The following IARS1 variants were observed in gnomAD, a reference collection of about 807,000 sequenced individuals.
IARS1 encodes isoleucine--tRNA ligase, cytoplasmic.
In IARS1, 124 loss-of-function variants were observed where a neutral mutation model predicts 168.2. That is an observed-to-expected ratio of 0.74 (90% CI 0.64 to 0.86). The LOEUF (loss-of-function observed/expected upper bound fraction) is 0.86, where lower values mean the gene tolerates loss of function less well. IARS1 is among the 40% of genes least tolerant of loss of function. IARS1 has a pLI of 0.00. For synonymous variants in IARS1, 532 were observed against 529.4 expected (o/e 1.00, Z -0.07); for missense variants, 1,452 against 1,515.8 (o/e 0.96, Z 0.70).
chr9:92,258,387 A>G (rs1016217358), intron 19 of IARS1, among the ~76,000 whole-genome samples: 3 of 152,198 alleles, frequency 2.0e-5, no homozygotes, highest in African/African-American at 4.8e-5. Flanking sequence ...TGAGGTCTGG[A>G]GTTCAAGATC....
chr9:92,242,369 T>C (rs370534390), intron 28 of IARS1, 39 bp from the exon 29 acceptor site: 2 of 1,532,660 alleles, frequency 1.3e-6, no homozygotes, highest in African/African-American at 2.7e-5. Context: ...GGGAAGTACA[T>C]TCTATTAATC....
At chr9:92,284,144 T>C (rs779752838) in intron 6 of IARS1, among the ~76,000 whole-genome samples, 1 of 152,216 alleles carries the variant, frequency 6.6e-6, no homozygotes, top group Non-Finnish European at 1.5e-5. Flanking sequence ...GCCACTGCAC[T>C]CTAGCCTGGG....
At position 92,243,362 on chromosome 9, in the gene IARS1, T is replaced by A. The variant is rs543316751; in HGVS notation, c.2905-51A>T. ...TGACAATCAAATAAGGAGAAACACT[T>A]CTTCCCAACTCAGCAAAATGTTATT... is the stretch of plus-strand genomic sequence containing the variant. On this transcript the variant is annotated intron_variant, in intron 27 of 33. Coordinates refer to ENST00000443024, the MANE Select transcript of IARS1 (RefSeq NM_002161.6). 4.1e-6 allele frequency: 5 copies of A among 1,227,498 alleles called. No homozygotes were observed. In the East Asian group the frequency reaches 1.2e-4, roughly 29 times the overall value. 76.0% of individuals were successfully genotyped at this position (1,227,498 alleles called of 1,614,324 possible).
chr9:92,236,116 T>C (rs1013603153), intron 30 of IARS1, among the ~76,000 whole-genome samples: 4 of 152,054 alleles, frequency 2.6e-5, no homozygotes, highest in African/African-American at 9.7e-5. Flanking sequence ...CCGAGTAGGC[T>C]GAGATTACAG....
intron 14 of IARS1, 123 bp downstream of exon 14, chr9:92,268,051 G>A (rs1832531189): frequency 9.5e-7 from 1 of 1,057,044 alleles, no homozygotes; most frequent in African/African-American, 1.7e-5. Context: ...GAATAAAGAG[G>A]AAAAAAGATG....
chr9:92,243,935 T>C (rs149636494), intron 27 of IARS1, among the ~76,000 whole-genome samples: 2 of 152,340 alleles, frequency 1.3e-5, no homozygotes, highest in East Asian at 1.9e-4. Context: ...TTACACAGCA[T>C]GTTGCAGAGT....
chr9:92,278,418 G>C, intron 7 of IARS1, 132 bp from the exon 8 acceptor site: 1 of 666,712 alleles, frequency 1.5e-6, no homozygotes, highest in Non-Finnish European at 2.7e-6. Flanking sequence ...AGTACTCACA[G>C]AGAAATACTG....
intron 9 of IARS1, among the ~76,000 whole-genome samples, chr9:92,277,101 A>G (rs1224539591): frequency 1.3e-5 from 2 of 152,230 alleles, no homozygotes; most frequent in Non-Finnish European, 2.9e-5. Flanking sequence ...GGTGATATGT[A>G]GACTACATGC....
At position 92,287,844 on chromosome 9, in the gene IARS1, C is replaced by A. The variant is rs1835695184; in HGVS notation, c.343G>T (p.Glu115Ter). The change falls in exon 4 of 34, where the codon GAG becomes TAG. Residue 115 changes from glutamate to a stop codon, truncating the protein, a stop_gained. Coordinates refer to ENST00000443024, the MANE Select transcript of IARS1 (RefSeq NM_002161.6). LOFTEE classifies it high-confidence loss of function. ...PEDVAKMGIT[E>*]YNNQCRAIVM... ...ATTGCTCGGCACTGATTGTTATACTCTGTAATCCCCATTTTGGCCACATCC... is the reference window on the plus strand; with the variant it reads ...ATTGCTCGGCACTGATTGTTATACTATGTAATCCCCATTTTGGCCACATCC... 5 of 1,613,952 alleles carry A rather than the reference C, an allele frequency of 3.1e-6. No homozygotes were observed. In the East Asian group the frequency reaches 8.9e-5, roughly 29 times the overall value.
At chr9:92,261,098 CA>C (rs1422794843) in intron 17 of IARS1, among the ~76,000 whole-genome samples, 1 of 152,132 alleles carries the variant, frequency 6.6e-6, no homozygotes, top group Non-Finnish European at 1.5e-5. Context: ...CGCCTGAGCT[CA>C]GGAGCTCGAG....
At chr9:92,252,265 A>T (rs1488636121) in intron 21 of IARS1, 2 of 430,502 alleles carry the variant, frequency 4.6e-6, no homozygotes, top group African/African-American at 4.1e-5. Flanking sequence ...GATTTATGTT[A>T]AAAAAGTATA....
intron 30 of IARS1, among the ~76,000 whole-genome samples, chr9:92,235,965 A>C (rs1464916425): frequency 3.9e-5 from 6 of 151,958 alleles, no homozygotes; most frequent in Non-Finnish European, 8.8e-5. Flanking sequence ...ATTCATGTGG[A>C]ATATCTGTTT....
chr9:92,241,561 C>CAA (rs1828401679), intron 29 of IARS1, among the ~76,000 whole-genome samples: 1 of 152,080 alleles, frequency 6.6e-6, no homozygotes, highest in African/African-American at 2.4e-5. Context: ...AGGCTGGTCT[C>CAA]GCACTCTTGA....
intron 14 of IARS1, among the ~76,000 whole-genome samples, chr9:92,265,829 T>C (rs1351333155): frequency 1.3e-5 from 2 of 152,060 alleles, no homozygotes; most frequent in Admixed American, 1.3e-4. Context: ...AGCTAATTTT[T>C]TGTATTTTTA....
intron 10 of IARS1, among the ~76,000 whole-genome samples, chr9:92,273,132 C>CAAA (rs532773984): frequency 9.4e-5 from 6 of 64,060 alleles, no homozygotes; most frequent in African/African-American, 3.0e-4. Context: ...ACTCCCATCT[C>CAAA]AAAAAAAAAA....
rs1554725956 is a variant in IARS1, at chr9:92,244,948, C to T, written c.2904+11G>A. 36 of 1,607,634 alleles carry T rather than the reference C, an allele frequency of 2.2e-5. No homozygotes were observed. The South Asian group carries it at 3.5e-4, about 16-fold the overall frequency. ...CTTGGTAAAGAAATGTTCTAGGAAA[C>T]AGAAAAATACCTGAGCATCTGAGTG... On this transcript the variant is annotated intron_variant, in intron 27 of 33. Coordinates refer to ENST00000443024, the MANE Select transcript of IARS1 (RefSeq NM_002161.6).
At chr9:92,280,950 GA>G in intron 6 of IARS1, 57 bp from the exon 7 acceptor site, 1 of 1,248,008 alleles carries the variant, frequency 8.0e-7, no homozygotes, top group Admixed American at 2.1e-5. Context: ...AGACACCTAA[GA>G]AAAAGGAACT....
intron 10 of IARS1, among the ~76,000 whole-genome samples, chr9:92,272,534 T>C (rs1833196285): frequency 6.6e-6 from 1 of 152,158 alleles, no homozygotes; most frequent in Admixed American, 6.5e-5. Flanking sequence ...TGAAGACAAG[T>C]GCAACGGAAG....
At chr9:92,267,894 CA>C (rs200208398) in intron 14 of IARS1, among the ~76,000 whole-genome samples, 1 of 150,906 alleles carries the variant, frequency 6.6e-6, no homozygotes, top group Admixed American at 6.6e-5. Context: ...GGGAAACACA[CA>C]AAAAAAACAT....
Sources: allele counts gnomAD v4.1 joint callset (sites outside exome capture counted in the v4.1 genomes callset), GRCh38; gene constraint gnomAD v4.1.1; transcripts MANE v1.5; gene names NCBI Gene and HGNC (gene_info 2026-07-23, HGNC 2026-07-21).